Variants in NRXN2 observed in about 807,000 individuals in gnomAD.
NRXN2 encodes neurexin 2.
In NRXN2, 29 loss-of-function variants were observed where a neutral mutation model predicts 128.8. The ratio of observed to expected loss-of-function variants is 0.23; its 90% CI spans 0.17 to 0.31. The LOEUF (loss-of-function observed/expected upper bound fraction) is 0.31. Ranked by LOEUF, NRXN2 falls within the 10% of genes least tolerant of loss-of-function variation. NRXN2 has a pLI of 1.00. For synonymous variants in NRXN2, 1,098 were observed against 1,075.2 expected, an observed-to-expected ratio of 1.02 and a Z score of -0.41; for missense variants, 1,881 against 2,452.6, an observed-to-expected ratio of 0.77 and a Z score of 4.92.
At chr11:64,664,459 C>T (rs540939254) in intron 9 of NRXN2, among the ~76,000 whole-genome samples, 109 of 136,430 alleles carry the variant, frequency 8.0e-4, no homozygotes, top group African/African-American at 2.1e-3. Flanking sequence ...GCCTAGGCAA[C>T]GAGAGCGAAA....
intron 22 of NRXN2, among the ~76,000 whole-genome samples, chr11:64,612,952 G>A (rs563458171): frequency 6.6e-6 from 1 of 152,308 alleles, no homozygotes; most frequent in South Asian, 2.1e-4. Flanking sequence ...TGGTGCTCAG[G>A]ACACATGGCT....
chr11:64,668,645 C>T, intron 7 of NRXN2, 41 bp from the exon 8 acceptor site: 1 of 1,609,560 alleles, frequency 6.2e-7, no homozygotes, highest in Non-Finnish European at 8.5e-7. Flanking sequence ...AGGAGACAAC[C>T]AACATCAAAT....
At chr11:64,692,112 G>A (rs962497459) in intron 4 of NRXN2, among the ~76,000 whole-genome samples, 2 of 152,232 alleles carry the variant, frequency 1.3e-5, no homozygotes, top group East Asian at 1.9e-4. Context: ...AGTCAAAGGA[G>A]TGCTAAAATT....
chr11:64,676,566 G>T, intron 7 of NRXN2: 1 of 201,480 alleles, frequency 5.0e-6, no homozygotes, highest in Non-Finnish European at 1.0e-5. Context: ...TGGATTTTCA[G>T]GAGACCAAGA....
At chr11:64,720,654 TTAAG>T (rs1281534082) in intron 1 of NRXN2, among the ~76,000 whole-genome samples, 1 of 150,842 alleles carries the variant, frequency 6.6e-6, no homozygotes, top group Non-Finnish European at 1.5e-5. Flanking sequence ...AGCCACAGCA[TTAAG>T]TGTGTTAGCA....
chr11:64,637,798 C>T (rs1251562708), intron 17 of NRXN2, among the ~76,000 whole-genome samples: 1 of 152,126 alleles, frequency 6.6e-6, no homozygotes, highest in Non-Finnish European at 1.5e-5. Context: ...GAGGCCCTTT[C>T]TCTTCACTTC....
At position 64,622,825 on chromosome 11, in the gene NRXN2, C is replaced by T; in HGVS notation, c.4101G>A (p.Glu1367=). Reference sequence around the variant, plus strand: ...TGGTAGTGGCCATGGTGGTGGTAGTCTCCATGATGGTGGTGGCCATGTCAG... The same window carrying T: ...TGGTAGTGGCCATGGTGGTGGTAGTTTCCATGATGGTGGTGGCCATGTCAG... The part of the protein sequence containing the change: ...LLADMATTIM[E]TTTTMATTTT... The change falls in exon 21 of 23, where the codon GAG becomes GAA. Residue 1367 remains glutamate, a synonymous_variant. Coordinates refer to ENST00000265459, the MANE Select transcript of NRXN2 (RefSeq NM_015080.4). This position sits in a 1 kb window ranked among gnomAD's most constrained non-coding sequence, Gnocchi z 4.3. 1 of 1,612,812 alleles carries T rather than the reference C, an allele frequency of 6.2e-7. No homozygotes were observed. The highest frequency in any genetic ancestry group is 8.5e-7 in the Non-Finnish European group (1 of 1,179,940).
intron 6 of NRXN2, 74 bp downstream of exon 6, chr11:64,685,572 C>G (rs747543819): frequency 6.3e-7 from 1 of 1,593,080 alleles, no homozygotes; most frequent in African/African-American, 1.3e-5. Context: ...CACAAGCTCC[C>G]GGCAGCCCCC....
At chr11:64,707,452 T>C (rs1194939562) in intron 2 of NRXN2, among the ~76,000 whole-genome samples, 1 of 150,076 alleles carries the variant, frequency 6.7e-6, no homozygotes, top group Non-Finnish European at 1.5e-5. Flanking sequence ...GCCTAGGGAG[T>C]AGAGAAGACA....
chr11:64,628,478 T>C (rs574506686), intron 19 of NRXN2, among the ~76,000 whole-genome samples: 6 of 152,168 alleles, frequency 3.9e-5, no homozygotes, highest in African/African-American at 1.4e-4. Context: ...CTCATGTTAC[T>C]CCCCTTTACA....
In NRXN2 at chr11:64,685,777, G is replaced by C; in HGVS notation, c.1021C>G (p.Leu341Val). Residue 341 changes from leucine (L) to valine (V), a missense_variant, in exon 6 of 23, where the codon CTC becomes GTC. By Grantham distance (32) the Leu-to-Val change is conservative. Coordinates refer to ENST00000265459, the MANE Select transcript of NRXN2 (RefSeq NM_015080.4). ...ACCAGCCAGACAGCCCCAGACTTGA[G>C]GGACAGGTTGACGTAGTCGGCCGAC... ...GKSADYVNLS[L>V]KSGAVWLVIN... 2.5e-6 allele frequency: 4 copies of C among 1,614,240 alleles called. No homozygotes were observed. The highest frequency in any genetic ancestry group is 3.4e-6 in the Non-Finnish European group (4 of 1,180,036).
Position 64,635,058 on chromosome 11 carries a change from A to C in NRXN2, c.3585+213T>G, listed in dbSNP as rs145471096. ...GCTGGAGAAATTCGAATCAGATGGG[A>C]GGGTGGATCTGGGAGTCTTGGTGAA... On this transcript the variant is annotated intron_variant, in intron 18 of 22. Coordinates refer to ENST00000265459, the MANE Select transcript of NRXN2 (RefSeq NM_015080.4). The surrounding 1 kb of genome is among the most constrained non-coding windows in gnomAD (Gnocchi z 4.8). Among the ~76,000 whole-genome samples, 218 of 152,156 alleles carry C rather than the reference A, an allele frequency of 1.4e-3. 1 individual carries two copies. Among genetic ancestry groups the C allele is most frequent in the African/African-American group, 5.1e-3 (213 of 41,516 alleles).
rs1010023492 is a variant in NRXN2 at position 64,632,967 on chromosome 11, C to G, written c.3585+2304G>C. On this transcript the variant is annotated intron_variant, in intron 18 of 22. Transcript: ENST00000265459. The surrounding 1 kb of genome is among the most constrained non-coding windows in gnomAD (Gnocchi z 4.2). ...GCTGTGGTGGGAGCTGATGTGTCACCAGGGGAGGAAGGGGTTTGGGGGCTG... is the reference window on the plus strand; with the variant it reads ...GCTGTGGTGGGAGCTGATGTGTCACGAGGGGAGGAAGGGGTTTGGGGGCTG... Among the ~76,000 whole-genome samples, 4 of 152,162 alleles carry G rather than the reference C, an allele frequency of 2.6e-5. No individual in the cohort carries two copies. Among genetic ancestry groups the G allele is most frequent in the Admixed American group, 6.5e-5 (1 of 15,286 alleles).
intron 17 of NRXN2, among the ~76,000 whole-genome samples, chr11:64,641,202 G>C (rs2045609441): frequency 6.6e-6 from 1 of 151,978 alleles, no homozygotes; most frequent in Non-Finnish European, 1.5e-5. Context: ...AGGAGGACAG[G>C]TATGTGAGGT....
chr11:64,620,402 A>T (rs1346815532), intron 21 of NRXN2, 30 bp from the exon 22 acceptor site: 1 of 1,532,112 alleles, frequency 6.5e-7, no homozygotes, highest in Non-Finnish European at 8.8e-7. Context: ...GTGGGGAAAG[A>T]GAGGTTCCAG....
chr11:64,659,424 G>A (rs2048718832), intron 11 of NRXN2: 1 of 152,270 alleles, frequency 6.6e-6, no homozygotes, highest in Non-Finnish European at 1.5e-5. Context: ...GAACCTAACA[G>A]GCTCATGGTC....
At position 64,713,183 on chromosome 11, in the gene NRXN2, G is replaced by A. The variant is rs751869669; in HGVS notation, c.517C>T (p.Pro173Ser). ...TTGGCCAAGAGGCCGCGGAAGGGCG[G>A]CTCGTACTTGACGGTGCTCAGCGTA... ...ALTLSTVKYE[P>S]PFRGLLANLK... is the part of the protein sequence containing the mutation. The change falls in exon 2 of 23, where the codon CCG becomes TCG. Residue 173 changes from proline to serine, a missense_variant. This residue lies in a region of NRXN2 where 997 missense variants were observed against 1,240.8 expected (regional missense o/e 0.80). Coordinates refer to ENST00000265459, the MANE Select transcript of NRXN2 (RefSeq NM_015080.4). The A allele has an allele frequency of 2.7e-6, 4 of 1,467,552 alleles. No homozygotes were observed. Among genetic ancestry groups the A allele is most frequent in the Admixed American group, 4.6e-5 (2 of 43,116 alleles). The allele number at this position is 1,467,552 out of a possible 1,614,324, so 90.9% of individuals were successfully genotyped here. A position where few individuals can be genotyped will look rare whatever the true frequency, so the allele number is the denominator to read the frequency against.
intron 2 of NRXN2, among the ~76,000 whole-genome samples, chr11:64,701,764 C>CG (rs935267751): frequency 2.6e-5 from 4 of 152,264 alleles, no homozygotes; most frequent in East Asian, 3.9e-4. Flanking sequence ...AAGCCCCGTC[C>CG]GGGGGGGAAG....
At chr11:64,659,491 C>T (rs1176712143) in intron 11 of NRXN2, 1 of 152,430 alleles carries the variant, frequency 6.6e-6, no homozygotes, top group Non-Finnish European at 1.5e-5. Flanking sequence ...GGCCTGCTCT[C>T]AACCCTGGGC....
Sources: gnomAD v4.1 joint callset for allele counts (sites outside exome capture counted in the v4.1 genomes callset) on GRCh38, gnomAD v4.1.1 for gene constraint, gnomAD v4.1.1 regional missense constraint, Gnocchi (gnomAD v3.1) non-coding constraint, MANE v1.5 for transcripts, NCBI Gene and HGNC (gene_info 2026-07-23, HGNC 2026-07-21) for gene names.